DHCR24: variants seen among roughly 807,000 people sequenced by gnomAD.
The protein encoded by DHCR24 is 24-dehydrocholesterol reductase.
A neutral mutation model predicts 61.2 loss-of-function variants in DHCR24; 28 were observed. The ratio of observed to expected loss-of-function variants is 0.46; its 90% confidence interval spans 0.34 to 0.63. DHCR24 has a LOEUF of 0.63. Ranked by LOEUF, DHCR24 falls within the 20% of genes least tolerant of loss-of-function variation. The pLI, the probability that DHCR24 is intolerant of heterozygous loss-of-function variation, is 0.01. For synonymous variants in DHCR24, 261 were observed against 275.9 expected, an observed-to-expected ratio of 0.95 and a Z score of 0.54; for missense variants, 538 against 679.1, an observed-to-expected ratio of 0.79 and a Z score of 2.31.
In DHCR24 at chr1:54,852,320, G is replaced by A. The variant is rs1255190338; in HGVS notation, c.1464C>T (p.Ser488=). Reference sequence around the variant, plus strand: ...GCTTCTCTCGCAGCTTGTGGTACAAGGAGCCATCAAACATCTCCCAGAACT... The same window carrying A: ...GCTTCTCTCGCAGCTTGTGGTACAAAGAGCCATCAAACATCTCCCAGAACT... ...REEFWEMFDG[S]LYHKLREKLG... The change falls in exon 9 of 9, where the codon TCC becomes TCT. Residue 488 remains serine (S), a synonymous_variant. Coordinates refer to ENST00000371269, the MANE Select transcript of DHCR24 (RefSeq NM_014762.4). The A allele has an allele frequency of 8.7e-6, 14 of 1,614,112 alleles. No individual in the cohort carries two copies. Among genetic ancestry groups the A allele is most frequent in the Non-Finnish European group, 1.2e-5 (14 of 1,180,052 alleles).
At chr1:54,884,188 C>T (rs973142097) in intron 1 of DHCR24, among the ~76,000 whole-genome samples, 1 of 152,160 alleles carries the variant, frequency 6.6e-6, no homozygotes, top group Non-Finnish European at 1.5e-5. Flanking sequence ...ACGATGACAC[C>T]CTTTTTTCGA....
intron 6 of DHCR24, among the ~76,000 whole-genome samples, chr1:54,860,656 A>C (rs1310230177): frequency 6.6e-6 from 1 of 152,066 alleles, no homozygotes; most frequent in African/African-American, 2.4e-5. Flanking sequence ...GGTTCCTTTC[A>C]CCGGTTCCTG....
chr1:54,878,415 G>A (rs765118653), intron 2 of DHCR24, among the ~76,000 whole-genome samples: 6 of 148,356 alleles, frequency 4.0e-5, no homozygotes, highest in Non-Finnish European at 5.9e-5. Context: ...TCAGGAAGCT[G>A]AGGCAGGAGA....
chr1:54,869,216 A>G (rs534425145), intron 5 of DHCR24, among the ~76,000 whole-genome samples: 1 of 152,258 alleles, frequency 6.6e-6, no homozygotes, highest in South Asian at 2.1e-4. Context: ...TTTTAACGCT[A>G]TCAGATTGGC....
chr1:54,886,283 G>A (rs72675614), intron 1 of DHCR24, among the ~76,000 whole-genome samples: 4,885 of 152,262 alleles, frequency 0.032, 174 homozygotes, highest in East Asian at 0.18. Context: ...CGTCAGCAGA[G>A]GCTGTGAGGT....
Position 54,883,891 on chromosome 1 carries a change from A to G in DHCR24, c.232-118T>C, listed in dbSNP as rs559844689. The G allele has an allele frequency of 7.0e-7, 1 of 1,436,342 alleles. No homozygotes were observed. The highest frequency in any genetic ancestry group is 1.8e-5 in the Admixed American group (1 of 55,776). 89.0% of individuals were successfully genotyped at this position (1,436,342 alleles called of 1,614,324 possible). ...TGCCTCCATCAGGCACTGGAGAAAC[A>G]GAACAATGAAAAGGCCTGCTGGCCC... On this transcript the variant is annotated intron_variant, in intron 1 of 8. Transcript: ENST00000371269. The surrounding 1 kb of genome is among the most constrained non-coding windows in gnomAD (Gnocchi z 4.3).
At chr1:54,886,857 C>G (rs778509827) in intron 1 of DHCR24, 32 bp downstream of exon 1, 35 of 1,607,406 alleles carry the variant, frequency 2.2e-5, no homozygotes, top group Non-Finnish European at 3.0e-5. Context: ...CGCCTCCGGC[C>G]CTGAGTCCCG....
intron 2 of DHCR24, among the ~76,000 whole-genome samples, chr1:54,881,441 T>C (rs1314735222): frequency 1.3e-5 from 2 of 152,022 alleles, no homozygotes; most frequent in African/African-American, 2.4e-5. Context: ...CACAATGAAA[T>C]ACCATCTGAC....
chr1:54,852,126 G>T lies in DHCR24; in HGVS notation c.*107C>A. 1 of 1,390,878 alleles carries T rather than the reference G, an allele frequency of 7.2e-7. No homozygotes were observed. Among genetic ancestry groups the T allele is most frequent in the Non-Finnish European group, 9.9e-7 (1 of 1,007,218 alleles). The allele number at this position is 1,390,878 out of a possible 1,614,324, so 86.2% of individuals were successfully genotyped here. A position where few individuals can be genotyped will look rare whatever the true frequency, so the allele number is the denominator to read the frequency against. ...GTTGGGCTGTCAGGGTGGGAGTTCT[G>T]GAGGGGTTTCTCTTTGAAAGTGTGG... On this transcript the variant is annotated 3_prime_UTR_variant, in exon 9 of 9. Coordinates refer to ENST00000371269, the MANE Select transcript of DHCR24 (RefSeq NM_014762.4).
rs201021800 is a variant in DHCR24 at position 54,871,411 on chromosome 1, T to G, written c.815A>C (p.Tyr272Ser). The change falls in exon 5 of 9, where the codon TAC (tyrosine) becomes TCC (serine). Residue 272 changes from tyrosine to serine, a missense_variant. Tyr to Ser is a moderately radical substitution (Grantham distance 144). Coordinates refer to ENST00000371269, the MANE Select transcript of DHCR24 (RefSeq NM_014762.4). ...QENHFVEGLL[Y>S]SLDEAVIMTG... Reference sequence around the variant, plus strand: ...CATAATGACAGCCTCATCCAGGGAGTAGAGCAGCCCTTCCACGAAGTGGTT... The same window carrying G: ...CATAATGACAGCCTCATCCAGGGAGGAGAGCAGCCCTTCCACGAAGTGGTT... 1.6e-5 allele frequency: 26 copies of G among 1,613,892 alleles called. No homozygotes were observed. Among genetic ancestry groups the G allele is most frequent in the Non-Finnish European group, 2.2e-5 (26 of 1,179,978 alleles).
chr1:54,879,322 G>GAAAAAAAAAAAAAAAA (rs58945175), intron 2 of DHCR24, among the ~76,000 whole-genome samples: 2 of 108,534 alleles, frequency 1.8e-5, no homozygotes, highest in African/African-American at 3.9e-5. Flanking sequence ...GACTCCATCT[G>GAAAAAAAAAAAAAAAA]AAAAAAAAAA....
In DHCR24 at chr1:54,850,018, G is replaced by T. The variant is rs538969099; in HGVS notation, c.*2215C>A. 6.6e-6 allele frequency: 1 copy of T among 152,340 alleles called. No individual in the cohort carries two copies. The highest frequency in any genetic ancestry group is 2.1e-4 in the South Asian group (1 of 4,824). The allele number at this position is 152,340 out of a possible 1,614,324, so 9.4% of individuals were successfully genotyped here. The stretch of plus-strand genomic sequence containing the variant: ...CCAAAACCATCACATGGATGGCCAG[G>T]GACAGGACTGGCTACAAAAAAAAGC... On this transcript the variant is annotated 3_prime_UTR_variant, in exon 9 of 9. Coordinates refer to ENST00000371269, the MANE Select transcript of DHCR24 (RefSeq NM_014762.4).
rs61733134 is a variant in DHCR24, at chr1:54,883,645, G to A, written c.360C>T (p.Asp120=). The change falls in exon 2 of 9, where the codon GAC becomes GAT. Residue 120 remains aspartate (D), a synonymous_variant. Coordinates refer to ENST00000371269, the MANE Select transcript of DHCR24 (RefSeq NM_014762.4). The surrounding 1 kb of genome is among the most constrained non-coding windows in gnomAD (Gnocchi z 4.3). ...GTTTCTTGGTGTCCACTTCCAGAAT[G>A]TCCATCAGGTTGATCATGATGTTTT... is the stretch of plus-strand genomic sequence containing the variant. The part of the protein sequence containing the change: ...THKNIMINLM[D]ILEVDTKKQI... The A allele has an allele frequency of 1.4e-3, 2,306 of 1,614,212 alleles. 28 individuals are homozygous for A. The African/African-American group carries it at 0.024, about 17-fold the overall frequency.
Position 54,853,989 on chromosome 1 carries a change from T to G in DHCR24, c.1218+48A>C. The G allele has an allele frequency of 1.9e-6, 3 of 1,558,178 alleles. No homozygotes were observed. The South Asian group carries it at 3.5e-5, about 18-fold the overall frequency. Reference sequence around the variant, plus strand: ...ACGGTTCAGGGGAGGAGACCATGGATTCCAAGGGAATGCACCTGGTGCGCC... The same window carrying G: ...ACGGTTCAGGGGAGGAGACCATGGAGTCCAAGGGAATGCACCTGGTGCGCC... On this transcript the variant is annotated intron_variant, in intron 7 of 8. Coordinates refer to ENST00000371269, the MANE Select transcript of DHCR24 (RefSeq NM_014762.4).
Position 54,871,496 on chromosome 1 carries a change from G to C in DHCR24, c.730C>G (p.Pro244Ala), listed in dbSNP as rs764700447. 1 of 1,614,232 alleles carries C rather than the reference G, an allele frequency of 6.2e-7. No individual in the cohort carries two copies. Among genetic ancestry groups the C allele is most frequent in the South Asian group, 1.1e-5 (1 of 91,090 alleles). ...CAGATAGCCTCCAGGCCCCGCACTG[G>C]CTCGAAACGCAGCTTGACGTACTTC... ...AKKYVKLRFEPVRGLEAICAK... is the reference protein window; with the variant it reads ...AKKYVKLRFEAVRGLEAICAK... The change falls in exon 5 of 9, where the codon CCA (proline) becomes GCA (alanine). Residue 244 changes from proline (P) to alanine (A), a missense_variant. Physicochemically the swap from Pro to Ala is conservative, Grantham distance 27 (BLOSUM62 -1). Transcript: ENST00000371269.
At position 54,886,990 on chromosome 1, in the gene DHCR24, G is replaced by C; in HGVS notation, c.130C>G (p.Leu44Val). The C allele has an allele frequency of 1.2e-6, 2 of 1,613,766 alleles. No homozygotes were observed. Among genetic ancestry groups the C allele is most frequent in the Non-Finnish European group, 1.7e-6 (2 of 1,179,750 alleles). ...FVCLFLLPLSLIFDIYYYVRA... is the reference protein window; with the variant it reads ...FVCLFLLPLSVIFDIYYYVRA... The stretch of plus-strand genomic sequence containing the variant: ...ACGTAGTAGTAGATATCGAAGATAA[G>C]CGAGAGCGGCAGGAGGAAGAGGCAC... Residue 44 changes from leucine (L) to valine (V), a missense_variant, in exon 1 of 9, where the codon CTT (leucine) becomes GTT (valine). Transcript: ENST00000371269.
intron 2 of DHCR24, among the ~76,000 whole-genome samples, chr1:54,880,724 C>T (rs635648): frequency 6.6e-6 from 1 of 152,030 alleles, no homozygotes; most frequent in Admixed American, 6.5e-5. Context: ...GAGATAGCAC[C>T]ACTGCACTCC....
At chr1:54,857,548 T>C (rs973060468) in intron 6 of DHCR24, among the ~76,000 whole-genome samples, 1 of 152,244 alleles carries the variant, frequency 6.6e-6, no homozygotes, top group Non-Finnish European at 1.5e-5. Flanking sequence ...TGGTAGAATG[T>C]GCATGTAACA....
At chr1:54,864,989 A>T (rs1646959955) in intron 6 of DHCR24, among the ~76,000 whole-genome samples, 1 of 152,120 alleles carries the variant, frequency 6.6e-6, no homozygotes, top group Admixed American at 6.5e-5. Context: ...CAGTGCAGGG[A>T]TCTGTCTGCT....
Sources: allele counts gnomAD v4.1 joint callset (sites outside exome capture counted in the v4.1 genomes callset), GRCh38; gene constraint gnomAD v4.1.1; non-coding constraint Gnocchi (gnomAD v3.1); transcripts MANE v1.5; gene names NCBI Gene and HGNC (gene_info 2026-07-23, HGNC 2026-07-21).